Variants in CCDC150 observed in about 807,000 individuals in gnomAD.
The protein encoded by CCDC150 is coiled-coil domain-containing protein 150.
CCDC150 carries 151 observed loss-of-function variants against 156.5 expected under a neutral mutation model. The ratio of observed to expected loss-of-function variants is 0.97; its 90% CI spans 0.85 to 1.10. The LOEUF is 1.10. Among genes scored for constraint, CCDC150 ranks in the 50% least tolerant of loss-of-function variants. CCDC150 has a pLI of 0.00. For missense variants in CCDC150, 1,312 were observed against 1,268.1 expected (o/e 1.03, Z -0.53); for synonymous variants, 452 against 429.4 (o/e 1.05, Z -0.65).
rs1444801537 is a variant in CCDC150, at chr2:196,732,083, T to G, written c.3120T>G (p.Asp1040Glu). ...EAHRWFKHRF[D>E]GLQLELTKNR... Reference sequence around the variant, plus strand: ...ATCGCTGGTTTAAGCACAGGTTTGATGGTCTACAACTTGAGCTGACAAAAA... The same window carrying G: ...ATCGCTGGTTTAAGCACAGGTTTGAGGGTCTACAACTTGAGCTGACAAAAA... The change falls in exon 27 of 28, where the codon GAT becomes GAG. Residue 1040 changes from aspartate to glutamate, a missense_variant. Asp to Glu is a conservative substitution (Grantham distance 45). Coordinates refer to ENST00000389175, the MANE Select transcript of CCDC150 (RefSeq NM_001080539.2). The G allele has an allele frequency of 6.2e-7, 1 of 1,613,760 alleles. No homozygotes were observed. Among genetic ancestry groups the G allele is most frequent in the African/African-American group, 1.3e-5 (1 of 74,932 alleles).
intron 17 of CCDC150, chr2:196,713,507 G>C: frequency 6.4e-7 from 1 of 1,550,584 alleles, no homozygotes; most frequent in Non-Finnish European, 8.7e-7. Flanking sequence ...TGTGAGCTTT[G>C]CACCTAACCT....
rs200072904 is a variant in CCDC150, at chr2:196,657,011, A to G, written c.451A>G (p.Lys151Glu). 160 of 1,613,646 alleles carry G rather than the reference A, an allele frequency of 9.9e-5. No homozygotes were observed. The highest frequency in any genetic ancestry group is 1.3e-4 in the Non-Finnish European group (152 of 1,179,782). The change falls in exon 4 of 28, where the codon AAG (lysine) becomes GAG (glutamate). Residue 151 changes from lysine to glutamate, a missense_variant. Physicochemically the swap from Lys to Glu is moderately conservative, Grantham distance 56 (BLOSUM62 1). Transcript: ENST00000389175. The part of the protein sequence containing the change: ...AIQEEHSKDL[K>E]LLHLEVMNLR... ...ACAGGAAGAGCATTCTAAGGACCTG[A>G]AGCTGTTGCATCTCGAAGTTATGAA...
chr2:196,690,767 A>T (rs920723768), intron 13 of CCDC150, among the ~76,000 whole-genome samples: 4 of 152,220 alleles, frequency 2.6e-5, no homozygotes, highest in Non-Finnish European at 4.4e-5. Context: ...GAGAGAGGGC[A>T]TGCTTGTCTT....
intron 22 of CCDC150, 92 bp downstream of exon 22, chr2:196,726,191 C>G: frequency 7.2e-7 from 1 of 1,392,556 alleles, no homozygotes; most frequent in Non-Finnish European, 9.9e-7. Context: ...TGTTCTTTGA[C>G]TCCTCTCATC....
intron 16 of CCDC150, 73 bp from the exon 17 acceptor site, chr2:196,712,604 C>G (rs1697202430): frequency 1.0e-5 from 10 of 963,904 alleles, no homozygotes; most frequent in East Asian, 2.6e-5. Context: ...GTGAGAAATG[C>G]TTTCATAAAG....
chr2:196,687,944 T>TTCCATTC (rs1320073623), intron 13 of CCDC150, among the ~76,000 whole-genome samples: 7 of 152,170 alleles, frequency 4.6e-5, no homozygotes, highest in African/African-American at 1.7e-4. Context: ...CTCTATTCTG[T>TTCCATTC]TCCATTGGTC....
chr2:196,730,439 G>A (rs778443261), intron 25 of CCDC150, among the ~76,000 whole-genome samples: 1 of 152,106 alleles, frequency 6.6e-6, no homozygotes, highest in African/African-American at 2.4e-5. Context: ...TGTACACCTC[G>A]TTTCTTCTAG....
intron 15 of CCDC150, among the ~76,000 whole-genome samples, chr2:196,703,931 A>G (rs1696413003): frequency 6.6e-6 from 1 of 152,160 alleles, no homozygotes; most frequent in African/African-American, 2.4e-5. Flanking sequence ...TTTTTGAACT[A>G]TTGTGAACTA....
chr2:196,639,808 G>T, intron 1 of CCDC150, 30 bp downstream of exon 1: 1 of 1,572,426 alleles, frequency 6.4e-7, no homozygotes, highest in Non-Finnish European at 8.7e-7. Flanking sequence ...GGCTGGTGAG[G>T]GGTGGTCGGA....
Position 196,656,852 on chromosome 2 carries a change from A to G in CCDC150, c.396A>G (p.Thr132=), listed in dbSNP as rs1693226300. The G allele has an allele frequency of 6.2e-7, 1 of 1,613,344 alleles. No homozygotes were observed. Among genetic ancestry groups the G allele is most frequent in the Non-Finnish European group, 8.5e-7 (1 of 1,179,536 alleles). ...AAAAGGATTTGAATCCTCAGAAAAC[A>G]GGTATAGAGATAAGAATCATCAGAA... ...QTEKDLNPQK[T]AFLKDRLNAI... is the part of the protein sequence containing the mutation. The change falls in exon 3 of 28, where the codon ACA becomes ACG. Residue 132 remains threonine, a splice_region_variant and synonymous_variant. Coordinates refer to ENST00000389175, the MANE Select transcript of CCDC150 (RefSeq NM_001080539.2).
At chr2:196,668,182 C>CA (rs1245307131) in intron 7 of CCDC150, among the ~76,000 whole-genome samples, 5 of 151,758 alleles carry the variant, frequency 3.3e-5, no homozygotes, top group Admixed American at 2.0e-4. Flanking sequence ...CCTGTAGTCC[C>CA]AGCTACTTGG....
intron 27 of CCDC150, 71 bp from the exon 28 acceptor site, chr2:196,732,375 A>G: frequency 8.1e-7 from 1 of 1,233,178 alleles, no homozygotes; most frequent in South Asian, 1.2e-5. Context: ...ACATGTGTAG[A>G]GGCAAAACAG....
chr2:196,699,372 T>C (rs1696045814), intron 14 of CCDC150, among the ~76,000 whole-genome samples: 1 of 152,218 alleles, frequency 6.6e-6, no homozygotes. Context: ...TAATATTGGG[T>C]ATAAGTTTTT....
intron 19 of CCDC150, chr2:196,720,244 C>T: frequency 6.4e-6 from 2 of 313,596 alleles, no homozygotes; most frequent in South Asian, 6.5e-5. Flanking sequence ...AGTGAGTTTT[C>T]TTTTCTCTTT....
chr2:196,691,105 C>A (rs1249011135), intron 13 of CCDC150, among the ~76,000 whole-genome samples: 1 of 152,166 alleles, frequency 6.6e-6, no homozygotes, highest in Non-Finnish European at 1.5e-5. Flanking sequence ...ATTCAGTTTG[C>A]CAGTATTTCA....
At chr2:196,668,394 A>C (rs1693987488) in intron 7 of CCDC150, among the ~76,000 whole-genome samples, 2 of 151,720 alleles carry the variant, frequency 1.3e-5, no homozygotes, top group Non-Finnish European at 2.9e-5. Flanking sequence ...TAAAACAGGT[A>C]TCTATTATAT....
chr2:196,700,030 T>C (rs1485291110), intron 14 of CCDC150, among the ~76,000 whole-genome samples: 2 of 152,196 alleles, frequency 1.3e-5, no homozygotes, highest in East Asian at 3.8e-4. Flanking sequence ...TAAATTAATA[T>C]ATGGGTTTTA....
chr2:196,655,896 G>A (rs548685103), intron 2 of CCDC150, among the ~76,000 whole-genome samples: 6 of 152,216 alleles, frequency 3.9e-5, no homozygotes, highest in South Asian at 4.1e-4. Context: ...TAGGCTTGGG[G>A]GCTGCCAAGC....
chr2:196,676,768 G>A, intron 12 of CCDC150, 37 bp downstream of exon 12: 1 of 1,521,422 alleles, frequency 6.6e-7, no homozygotes, highest in Non-Finnish European at 9.0e-7. Context: ...TTCTCATTGT[G>A]GTGTGATGAT....
Sources: allele counts gnomAD v4.1 joint callset (sites outside exome capture counted in the v4.1 genomes callset), GRCh38; gene constraint gnomAD v4.1.1; transcripts MANE v1.5; gene names NCBI Gene and HGNC (gene_info 2026-07-23, HGNC 2026-07-21).